LRBA: variants seen among roughly 807,000 people sequenced by gnomAD.
LRBA encodes lipopolysaccharide-responsive and beige-like anchor protein.
Under a neutral mutation model 330.0 loss-of-function variants are expected in LRBA, and 176 were observed. The observed-to-expected ratio is 0.53, with a 90% CI of 0.47 to 0.60. The LOEUF (loss-of-function observed/expected upper bound fraction) is 0.60. Ranked by LOEUF, LRBA falls within the 20% of genes least tolerant of loss-of-function variation. The pLI is 0.00. For missense variants in LRBA, 3,259 were observed against 3,444.8 expected (o/e 0.95, Z 1.35); for synonymous variants, 1,230 against 1,193.0 (o/e 1.03, Z -0.64).
At chr4:150,835,815 C>T (rs1747958304) in intron 28 of LRBA, among the ~76,000 whole-genome samples, 1 of 152,138 alleles carries the variant, frequency 6.6e-6, no homozygotes, top group Non-Finnish European at 1.5e-5. Context: ...ACGGATTGCC[C>T]TGGCCAGAAC....
chr4:150,688,255 A>G (rs1333145911), intron 36 of LRBA, among the ~76,000 whole-genome samples: 1 of 152,220 alleles, frequency 6.6e-6, no homozygotes, highest in Non-Finnish European at 1.5e-5. Context: ...AGCCATATGC[A>G]GAAAACTGAA....
intron 12 of LRBA, 85 bp from the exon 13 acceptor site, chr4:150,906,075 G>T: frequency 8.4e-7 from 1 of 1,192,960 alleles, no homozygotes; most frequent in Non-Finnish European, 1.2e-6. Context: ...AAAAAAACTG[G>T]CCCACAAATT....
chr4:150,340,246 T>C (rs1417794083), intron 48 of LRBA, among the ~76,000 whole-genome samples: 2 of 152,194 alleles, frequency 1.3e-5, no homozygotes, highest in East Asian at 1.9e-4. Context: ...ACATATGAAC[T>C]ATATAACTGA....
chr4:150,686,856 G>A (rs1389360412), intron 36 of LRBA, among the ~76,000 whole-genome samples: 1 of 151,960 alleles, frequency 6.6e-6, no homozygotes. Flanking sequence ...ATTATATTTT[G>A]TAAACATTTG....
chr4:150,872,628 A>C, intron 18 of LRBA, 35 bp downstream of exon 18: 2 of 1,317,080 alleles, frequency 1.5e-6, no homozygotes, highest in Non-Finnish European at 2.2e-6. Context: ...AATAAGTAGA[A>C]TACAACAGTC....
At chr4:150,394,525 G>T (rs143290900) in intron 47 of LRBA, among the ~76,000 whole-genome samples, 3 of 152,188 alleles carry the variant, frequency 2.0e-5, no homozygotes, top group African/African-American at 7.2e-5. Context: ...AAGCTAATAG[G>T]TAGAAAGTAT....
chr4:150,662,767 G>A (rs1781234419), intron 37 of LRBA, among the ~76,000 whole-genome samples: 1 of 152,162 alleles, frequency 6.6e-6, no homozygotes, highest in African/African-American at 2.4e-5. Flanking sequence ...TGGAGTTTGA[G>A]ACCAGTCTGG....
At chr4:150,601,934 G>A (rs983619707) in intron 37 of LRBA, among the ~76,000 whole-genome samples, 4 of 151,328 alleles carry the variant, frequency 2.6e-5, no homozygotes, top group African/African-American at 9.7e-5. Context: ...CTCATGATCC[G>A]CCCGCCTCGG....
In LRBA at chr4:150,748,397, G is replaced by A. The variant is rs548980402; in HGVS notation, c.5646-13031C>T. On this transcript the variant is annotated intron_variant, in intron 35 of 56. Transcript: ENST00000651943. ...AAAAGAATGAAATTGAGCCAGGCGC[G>A]GTAGCTCACGCCTGTAATCCCAACA... is the stretch of plus-strand genomic sequence containing the variant. 7.2e-5 allele frequency among the ~76,000 whole-genome samples: 11 copies of A among 152,180 alleles called. No individual in the cohort carries two copies. In the East Asian group the frequency reaches 9.7e-4, roughly 13 times the overall value.
At chr4:150,793,995 G>A (rs914795271) in intron 34 of LRBA, among the ~76,000 whole-genome samples, 8 of 152,086 alleles carry the variant, frequency 5.3e-5, no homozygotes, top group African/African-American at 1.9e-4. Context: ...TCTATAATTG[G>A]TGCTAAGATT....
At chr4:150,678,210 C>T (rs533026303) in intron 37 of LRBA, among the ~76,000 whole-genome samples, 2 of 149,914 alleles carry the variant, frequency 1.3e-5, no homozygotes, top group Admixed American at 6.7e-5. Flanking sequence ...CACTGCACTC[C>T]GGCCTGGGTG....
intron 43 of LRBA, among the ~76,000 whole-genome samples, chr4:150,468,865 TTA>T (rs1293969098): frequency 1.3e-5 from 2 of 152,184 alleles, no homozygotes; most frequent in African/African-American, 4.8e-5. Context: ...TCTATTCATC[TTA>T]GGCTTGAGGC....
chr4:150,455,446 G>A (rs944350893), intron 44 of LRBA, among the ~76,000 whole-genome samples: 3 of 151,930 alleles, frequency 2.0e-5, no homozygotes, highest in Non-Finnish European at 2.9e-5. Context: ...GGAATACTAT[G>A]CAGCCATAAA....
At chr4:150,961,486 T>C (rs959318565) in intron 2 of LRBA, among the ~76,000 whole-genome samples, 1 of 149,286 alleles carries the variant, frequency 6.7e-6, no homozygotes, top group Non-Finnish European at 1.5e-5. Flanking sequence ...TCAACATTGA[T>C]ATATTTCAAA....
intron 36 of LRBA, among the ~76,000 whole-genome samples, chr4:150,690,695 A>C (rs1337830188): frequency 6.6e-6 from 1 of 151,274 alleles, no homozygotes; most frequent in Non-Finnish European, 1.5e-5. Context: ...AAAAAAGACG[A>C]ATCTTTTCTT....
chr4:151,002,438 G>A (rs1223545822), intron 2 of LRBA, among the ~76,000 whole-genome samples: 2 of 151,714 alleles, frequency 1.3e-5, no homozygotes, highest in African/African-American at 2.4e-5. Flanking sequence ...GGTGGTGGGT[G>A]CCTGTAATCC....
chr4:150,483,873 GTATT>G (rs543107829), intron 42 of LRBA, among the ~76,000 whole-genome samples: 272 of 152,042 alleles, frequency 1.8e-3, no homozygotes, highest in African/African-American at 6.3e-3. Context: ...TTATCTATAT[GTATT>G]TATTTTTTGA....
At chr4:150,677,862 A>C (rs1301873172) in intron 37 of LRBA, among the ~76,000 whole-genome samples, 2 of 151,916 alleles carry the variant, frequency 1.3e-5, no homozygotes, top group African/African-American at 4.8e-5. Flanking sequence ...TAGTTCTCTG[A>C]TTCCCATATG....
chr4:150,553,042 C>A (rs755642473), intron 40 of LRBA, among the ~76,000 whole-genome samples: 3 of 149,978 alleles, frequency 2.0e-5, no homozygotes, highest in Non-Finnish European at 3.0e-5. Flanking sequence ...GCACTCCAGC[C>A]TGGGCGACAG....
Sources: allele counts gnomAD v4.1 joint callset (sites outside exome capture counted in the v4.1 genomes callset), GRCh38; gene constraint gnomAD v4.1.1; transcripts MANE v1.5; gene names NCBI Gene and HGNC (gene_info 2026-07-23, HGNC 2026-07-21).